Variants in KSR2 observed in about 807,000 individuals in gnomAD.
KSR2 encodes the protein kinase suppressor of ras 2.
KSR2 carries 25 observed loss-of-function variants against 107.8 expected under a neutral mutation model. The observed-to-expected ratio is 0.23, with a 90% confidence interval of 0.17 to 0.32. KSR2 has a LOEUF of 0.32. Ranked by LOEUF, KSR2 falls within the 10% of genes least tolerant of loss-of-function variation. The pLI is 1.00. For synonymous variants in KSR2, 480 were observed against 507.0 expected (o/e 0.95, Z 0.71); for missense variants, 887 against 1,268.9 (o/e 0.70, Z 4.57).
At chr12:117,664,338 C>T (rs1884563492) in intron 5 of KSR2, among the ~76,000 whole-genome samples, 2 of 152,176 alleles carry the variant, frequency 1.3e-5, no homozygotes, top group South Asian at 4.1e-4. Flanking sequence ...CGTGTCACCA[C>T]CCTTCACAGT....
At position 117,906,648 on chromosome 12, in the gene KSR2, G is replaced by A. The variant is rs1894859029; in HGVS notation, c.181-46217C>T. ...TTGCCTTCACACAGTTTCTACTCTA[G>A]GGAGGTACAATCTTTTGATGTGCTC... On this transcript the variant is annotated intron_variant, in intron 1 of 19. Transcript: ENST00000339824. Among the ~76,000 whole-genome samples, 4 of 151,832 alleles carry A rather than the reference G, an allele frequency of 2.6e-5. No homozygotes were observed. The South Asian group carries it at 8.3e-4, about 32-fold the overall frequency.
intron 3 of KSR2, among the ~76,000 whole-genome samples, chr12:117,792,877 GCACA>G (rs369677075): frequency 1.3e-5 from 2 of 151,926 alleles, no homozygotes; most frequent in Non-Finnish European, 2.9e-5. Flanking sequence ...ACACCAACAT[GCACA>G]CACACACAAC....
chr12:117,968,588 A>T lies in KSR2; in HGVS notation c.-333T>A. ...GCTGTCTGTACACTTAGGGAGGAGG[A>T]GGAGGAGGAAAAAGAAGAGGAGAAG... On this transcript the variant is annotated 5_prime_UTR_variant, in exon 1 of 20. Transcript: ENST00000339824. 2 of 648,866 alleles carry T rather than the reference A, an allele frequency of 3.1e-6. No individual in the cohort carries two copies. Among genetic ancestry groups the T allele is most frequent in the Non-Finnish European group, 4.1e-6 (2 of 490,850 alleles). The allele number at this position is 648,866 out of a possible 1,614,324, so 40.2% of individuals were successfully genotyped here.
intron 5 of KSR2, among the ~76,000 whole-genome samples, chr12:117,603,991 T>C (rs1327376700): frequency 6.6e-6 from 1 of 151,970 alleles, no homozygotes; most frequent in Non-Finnish European, 1.5e-5. Flanking sequence ...AACCATGGAG[T>C]GGTTCTGCCT....
intron 1 of KSR2, among the ~76,000 whole-genome samples, chr12:117,865,091 A>T (rs192966037): frequency 6.6e-6 from 1 of 152,218 alleles, no homozygotes; most frequent in Admixed American, 6.5e-5. Context: ...TAATTAATTT[A>T]AAAAATAAAA....
At chr12:117,836,500 C>T (rs553790622) in intron 3 of KSR2, among the ~76,000 whole-genome samples, 1 of 152,300 alleles carries the variant, frequency 6.6e-6, no homozygotes, top group Admixed American at 6.5e-5. Context: ...CAAAAGCACA[C>T]ATCACCTCCC....
chr12:117,740,534 T>G (rs1464281557), intron 4 of KSR2, among the ~76,000 whole-genome samples: 7 of 108,836 alleles, frequency 6.4e-5, no homozygotes, highest in Non-Finnish European at 1.5e-4. Context: ...ACATATATTA[T>G]ATATGTAATA....
intron 4 of KSR2, among the ~76,000 whole-genome samples, chr12:117,740,549 C>CCAT (rs1888160407): frequency 5.6e-5 from 7 of 124,028 alleles, no homozygotes; most frequent in Non-Finnish European, 1.1e-4. Context: ...GTAATATATG[C>CCAT]ATATAATATA....
intron 14 of KSR2, among the ~76,000 whole-genome samples, chr12:117,513,315 T>C (rs540483632): frequency 9.8e-5 from 15 of 152,326 alleles, no homozygotes; most frequent in African/African-American, 3.6e-4. Context: ...AATATCTATT[T>C]ATTATTTGAT....
intron 4 of KSR2, among the ~76,000 whole-genome samples, chr12:117,693,778 G>A (rs532648759): frequency 2.5e-4 from 38 of 152,192 alleles, no homozygotes; most frequent in South Asian, 4.2e-4. Flanking sequence ...GGGTCCTACC[G>A]TCATCCCCAC....
intron 1 of KSR2, among the ~76,000 whole-genome samples, chr12:117,920,466 G>A (rs1895308285): frequency 6.6e-6 from 1 of 151,622 alleles, no homozygotes; most frequent in African/African-American, 2.4e-5. Flanking sequence ...CTTTGACCTG[G>A]AATAAGAAAA....
chr12:117,459,004 C>T lies in KSR2; in HGVS notation c.*8195G>A, dbSNP rs1001060128. On this transcript the variant is annotated 3_prime_UTR_variant, in exon 20 of 20. Coordinates refer to ENST00000339824, the MANE Select transcript of KSR2 (RefSeq NM_173598.6). Reference sequence around the variant, plus strand: ...GCACACTGTTATTCCTTAAGGCCCCCATATGCCGTGACTTCCAGCCCAGCT... The same window carrying T: ...GCACACTGTTATTCCTTAAGGCCCCTATATGCCGTGACTTCCAGCCCAGCT... The T allele has an allele frequency of 2.6e-5, 4 of 152,236 alleles. No individual in the cohort carries two copies. The highest frequency in any genetic ancestry group is 9.7e-5 in the African/African-American group (4 of 41,442). The allele number at this position is 152,236 out of a possible 1,614,324, so 9.4% of individuals were successfully genotyped here. A position where few individuals can be genotyped will look rare whatever the true frequency, so the allele number is the denominator to read the frequency against.
At chr12:117,652,947 G>A (rs186895335) in intron 5 of KSR2, among the ~76,000 whole-genome samples, 1 of 152,320 alleles carries the variant, frequency 6.6e-6, no homozygotes, top group East Asian at 1.9e-4. Context: ...CCCCACATTG[G>A]CTCCCTGACT....
chr12:117,781,017 C>T (rs1889866045), intron 3 of KSR2, among the ~76,000 whole-genome samples: 3 of 152,252 alleles, frequency 2.0e-5, no homozygotes, highest in South Asian at 4.1e-4. Context: ...CCATAGTTCC[C>T]ACGTATTGTG....
At chr12:117,857,590 C>A (rs530133387) in intron 2 of KSR2, among the ~76,000 whole-genome samples, 1 of 152,144 alleles carries the variant, frequency 6.6e-6, no homozygotes, top group South Asian at 2.1e-4. Flanking sequence ...AGGGCAGACA[C>A]ACCTCTGTTT....
intron 4 of KSR2, among the ~76,000 whole-genome samples, chr12:117,740,664 A>G (rs61937723): frequency 0.2 from 27,998 of 142,266 alleles, 3,493 homozygotes; most frequent in South Asian, 0.29. Context: ...GTAATATATA[A>G]TATATATAAT....
intron 4 of KSR2, 31 bp from the exon 5 acceptor site, chr12:117,667,689 A>G (rs779093275): frequency 2.0e-6 from 3 of 1,526,658 alleles, no homozygotes; most frequent in Non-Finnish European, 1.8e-6. Flanking sequence ...GAGGAAAAGG[A>G]AATATATCCA....
In KSR2 at chr12:117,846,780, T is replaced by C. The variant is rs544447923; in HGVS notation, c.472+8648A>G. ...CTCCTGAGAACGAAGAAGGGAATTT[T>C]AACTTTTATTTAATGAATATAAGTT... On this transcript the variant is annotated intron_variant, in intron 3 of 19. Coordinates refer to ENST00000339824, the MANE Select transcript of KSR2 (RefSeq NM_173598.6). Among the ~76,000 whole-genome samples the C allele has an allele frequency of 5.9e-5, 9 of 152,364 alleles. No individual in the cohort carries two copies. The East Asian group carries it at 1.7e-3, about 29-fold the overall frequency.
At chr12:117,811,210 C>A (rs1024657146) in intron 3 of KSR2, among the ~76,000 whole-genome samples, 1 of 152,136 alleles carries the variant, frequency 6.6e-6, no homozygotes, top group Admixed American at 6.5e-5. Flanking sequence ...GCCCTCTACA[C>A]CCACACAACA....
Sources: gnomAD v4.1 joint callset for allele counts (sites outside exome capture counted in the v4.1 genomes callset) on GRCh38, gnomAD v4.1.1 for gene constraint, MANE v1.5 for transcripts, NCBI Gene and HGNC (gene_info 2026-07-23, HGNC 2026-07-21) for gene names.